Variants in EPM2A observed in about 807,000 individuals in gnomAD.
EPM2A encodes the protein laforin.
A neutral mutation model predicts 26.5 loss-of-function variants in EPM2A; 21 were observed. The observed-to-expected ratio is 0.79, with a 90% CI of 0.56 to 1.14. EPM2A has a LOEUF of 1.14. Among genes scored for constraint, EPM2A ranks in the 50% most tolerant of loss-of-function variants. The probability of loss-of-function intolerance (pLI) is 0.00; values close to 1 mark genes in which losing one functional copy is unlikely to be tolerated. For synonymous variants in EPM2A, 217 were observed against 177.6 expected (o/e 1.22, Z -1.76); for missense variants, 458 against 440.8 (o/e 1.04, Z -0.35).
intron 2 of EPM2A, among the ~76,000 whole-genome samples, chr6:145,681,159 T>A (rs1780499768): frequency 2.6e-5 from 4 of 151,638 alleles, no homozygotes; most frequent in Admixed American, 2.6e-4. Flanking sequence ...TGAGCATTTT[T>A]TCATGTGTTT....
At chr6:145,425,769 C>T (rs1389885249) in intron 4 of EPM2A, among the ~76,000 whole-genome samples, 4 of 152,132 alleles carry the variant, frequency 2.6e-5, no homozygotes, top group Non-Finnish European at 5.9e-5. Flanking sequence ...GACACGTAGC[C>T]ACTGGCTGTA....
At position 145,464,533 on chromosome 6, in the gene EPM2A, A is replaced by G. The variant is rs146126342; in HGVS notation, c.555+37989T>C. 4.8e-3 allele frequency among the ~76,000 whole-genome samples: 736 copies of G among 151,934 alleles called. 4 individuals carry two copies. Among genetic ancestry groups the G allele is most frequent in the Admixed American group, 0.01 (155 of 15,236 alleles). On this transcript the variant is annotated intron_variant, in intron 4 of 4. Transcript: ENST00000638717. ...AATGTATCATTTTCTTTTCATTTAC[A>G]TTTTCCTGCTTGCTAATGAAGTTAA... is the stretch of plus-strand genomic sequence containing the variant.
intron 2 of EPM2A, among the ~76,000 whole-genome samples, chr6:145,662,000 C>T (rs1778749262): frequency 6.6e-6 from 1 of 152,144 alleles, no homozygotes; most frequent in Non-Finnish European, 1.5e-5. Context: ...CTGGTAACAT[C>T]AGAAACAACA....
chr6:145,446,380 C>T (rs1338648830), intron 4 of EPM2A, among the ~76,000 whole-genome samples: 1 of 143,086 alleles, frequency 7.0e-6, no homozygotes, highest in Non-Finnish European at 1.6e-5. Context: ...ACTAGATCAT[C>T]AGTGGGCCTG....
At chr6:145,705,828 A>C (rs535718843) in intron 1 of EPM2A, 1 of 455,700 alleles carries the variant, frequency 2.2e-6, no homozygotes, top group African/African-American at 2.0e-5. Flanking sequence ...AAAGAAGAAC[A>C]ATCTTCCCCT....
intron 1 of EPM2A, among the ~76,000 whole-genome samples, chr6:145,723,442 A>G (rs542103791): frequency 2.0e-4 from 30 of 152,264 alleles, no homozygotes; most frequent in Middle Eastern, 3.4e-3. Context: ...ACAGAACACA[A>G]AAACACACAA....
intron 2 of EPM2A, among the ~76,000 whole-genome samples, chr6:145,677,367 C>G (rs374939322): frequency 6.6e-6 from 1 of 152,072 alleles, no homozygotes; most frequent in African/African-American, 2.4e-5. Flanking sequence ...TTTTGAAAAC[C>G]GGCACAAGAC....
chr6:145,456,677 G>A (rs982937324), intron 4 of EPM2A, among the ~76,000 whole-genome samples: 2 of 152,080 alleles, frequency 1.3e-5, no homozygotes, highest in Admixed American at 6.5e-5. Flanking sequence ...AGGAATTGGA[G>A]GTAGAGAATA....
chr6:145,509,667 C>A (rs999873785), intron 2 of EPM2A, among the ~76,000 whole-genome samples: 1 of 152,134 alleles, frequency 6.6e-6, no homozygotes, highest in Non-Finnish European at 1.5e-5. Context: ...CATAAAGCAA[C>A]TACATAATCA....
At chr6:145,441,588 G>A (rs562301901) in intron 4 of EPM2A, among the ~76,000 whole-genome samples, 4 of 152,132 alleles carry the variant, frequency 2.6e-5, no homozygotes, top group Middle Eastern at 3.2e-3. Flanking sequence ...TGCTGCCTGG[G>A]TGTGGTGGCT....
chr6:145,535,562 A>T (rs1269798432), intron 2 of EPM2A, among the ~76,000 whole-genome samples: 1 of 152,192 alleles, frequency 6.6e-6, no homozygotes, highest in African/African-American at 2.4e-5. Flanking sequence ...CCCAGCGAGG[A>T]GCTTGACTGG....
At chr6:145,555,145 T>C (rs986214718) in intron 2 of EPM2A, among the ~76,000 whole-genome samples, 7 of 152,132 alleles carry the variant, frequency 4.6e-5, no homozygotes, top group Admixed American at 2.6e-4. Context: ...CACAGGATCC[T>C]TGAATGGTTT....
intron 2 of EPM2A, among the ~76,000 whole-genome samples, chr6:145,681,524 A>G (rs1447257991): frequency 2.0e-5 from 3 of 149,442 alleles, no homozygotes; most frequent in South Asian, 2.2e-4. Flanking sequence ...TTATGGTTTT[A>G]GGTCTAATGT....
chr6:145,500,931 G>A (rs1779881358), downstream of EPM2A, among the ~76,000 whole-genome samples: 1 of 152,132 alleles, frequency 6.6e-6, no homozygotes, highest in Non-Finnish European at 1.5e-5. Flanking sequence ...TCTATTTATT[G>A]GTAAGAGTAT....
At chr6:145,551,107 G>T (rs1267699029) in intron 2 of EPM2A, among the ~76,000 whole-genome samples, 2 of 151,910 alleles carry the variant, frequency 1.3e-5, no homozygotes, top group African/African-American at 4.8e-5. Flanking sequence ...GTAAAATATG[G>T]TATAATAAAA....
At chr6:145,485,006 T>G (rs12198251) in intron 4 of EPM2A, among the ~76,000 whole-genome samples, 1 of 143,464 alleles carries the variant, frequency 7.0e-6, no homozygotes, top group Non-Finnish European at 1.5e-5. Flanking sequence ...TATATATATA[T>G]TATATATATA....
chr6:145,693,841 T>C (rs1301831214), intron 1 of EPM2A, among the ~76,000 whole-genome samples: 1 of 151,958 alleles, frequency 6.6e-6, no homozygotes, highest in Non-Finnish European at 1.5e-5. Flanking sequence ...TTTAGCTACT[T>C]TGTTATTTGT....
At chr6:145,727,242 A>G (rs1287143387) in intron 1 of EPM2A, among the ~76,000 whole-genome samples, 1 of 152,158 alleles carries the variant, frequency 6.6e-6, no homozygotes, top group Non-Finnish European at 1.5e-5. Flanking sequence ...TATCTTCAAC[A>G]TGGTCACGAA....
chr6:145,721,324 G>A (rs989924462), intron 1 of EPM2A: 6 of 152,296 alleles, frequency 3.9e-5, no homozygotes, highest in South Asian at 2.1e-4. Context: ...ATGTACTGGC[G>A]GCACTACAGG....
Sources: allele counts gnomAD v4.1 joint callset (sites outside exome capture counted in the v4.1 genomes callset), GRCh38; gene constraint gnomAD v4.1.1; transcripts MANE v1.5; gene names NCBI Gene and HGNC (gene_info 2026-07-23, HGNC 2026-07-21).